Variants in FFAR1 observed in about 807,000 individuals in gnomAD.
The protein encoded by FFAR1 is free fatty acid receptor 1.
For synonymous variants in FFAR1, 216 were observed against 201.5 expected, an observed-to-expected ratio of 1.07 and a Z score of -0.61; for missense variants, 424 against 396.2, an observed-to-expected ratio of 1.07 and a Z score of -0.60.
At chr19:35,352,444 C>T in exon 1 of FFAR1, 2 of 1,552,512 alleles carry the variant, frequency 1.3e-6, no homozygotes, top group Non-Finnish European at 1.7e-6. Flanking sequence ...GGGGGCAAGT[C>T]CCAGAAGTAA....
exon 1 of FFAR1, chr19:35,351,739 C>T (rs761529668): frequency 6.9e-5 from 108 of 1,562,816 alleles, no homozygotes; most frequent in Non-Finnish European, 3.6e-5. Context: ...CCCCTGAAGG[C>T]GGTGGAGGCG....
At chr19:35,352,209 C>A in exon 1 of FFAR1, 1 of 1,589,272 alleles carries the variant, frequency 6.3e-7, no homozygotes. Context: ...CAGGCGGAAG[C>A]TGCGGGCCGC....
exon 1 of FFAR1, chr19:35,352,707 C>G (rs2066951158): frequency 1.8e-6 from 1 of 564,600 alleles, no homozygotes; most frequent in Non-Finnish European, 3.2e-6. Flanking sequence ...CCTCGCCTAT[C>G]TTTCTCTCCC....
upstream of FFAR1, among the ~76,000 whole-genome samples, chr19:35,348,658 C>T (rs1356145383): frequency 1.3e-5 from 2 of 152,152 alleles, no homozygotes; most frequent in Non-Finnish European, 2.9e-5. Flanking sequence ...TGTCTGTGCC[C>T]AAAATGGGGT....
At chr19:35,351,785 G>A in exon 1 of FFAR1, 1 of 1,587,882 alleles carries the variant, frequency 6.3e-7, no homozygotes, top group Non-Finnish European at 8.6e-7. Flanking sequence ...CGGCCTCGCT[G>A]TGCCCCGTCT....
At chr19:35,352,366 A>C in exon 1 of FFAR1, 2 of 1,552,958 alleles carry the variant, frequency 1.3e-6, no homozygotes, top group South Asian at 2.4e-5. Flanking sequence ...GTGGTGCTTA[A>C]TCCGCTGGTG....
chr19:35,350,523 G>A (rs143074376), upstream of FFAR1, among the ~76,000 whole-genome samples: 3 of 152,102 alleles, frequency 2.0e-5, no homozygotes, highest in African/African-American at 4.8e-5. Flanking sequence ...AGGGAATAGC[G>A]CTGGGTTGTG....
exon 1 of FFAR1, chr19:35,352,227 G>T: frequency 6.4e-7 from 1 of 1,567,248 alleles, no homozygotes; most frequent in South Asian, 1.2e-5. Flanking sequence ...CGCCTGGGTG[G>T]CCGGCGGGGC....
In FFAR1 at chr19:35,351,615, CTCAA is replaced by C. The variant is rs1455875121; in HGVS notation, c.65_68del (p.Leu22ProfsTer24). ...GGCCGCCTTTGCGCTGGGCTTCCCG[CTCAA>C]CGTCCTGGCCATCCGAGGCGCGACG... is the stretch of plus-strand genomic sequence containing the variant. On this transcript the variant is annotated frameshift_variant, in exon 1 of 1. Coordinates refer to ENST00000246553, the Ensembl canonical transcript of FFAR1. LOFTEE classifies it low-confidence loss of function (END_TRUNC). 4 of 1,542,580 alleles carry C rather than the reference CTCAA, an allele frequency of 2.6e-6. No homozygotes were observed. In the South Asian group the frequency reaches 4.8e-5, roughly 18 times the overall value.
chr19:35,352,790 C>T (rs1258377191), exon 1 of FFAR1: 1 of 389,492 alleles, frequency 2.6e-6, no homozygotes, highest in East Asian at 4.9e-5. Context: ...AAGGAGGAGG[C>T]AGTCTGTTTC....
exon 1 of FFAR1, chr19:35,352,079 G>T (rs777875100): frequency 1.2e-6 from 2 of 1,613,070 alleles, no homozygotes; most frequent in Admixed American, 3.3e-5. Flanking sequence ...CCTGGGACCC[G>T]GCCTCTGCCG....
exon 1 of FFAR1, chr19:35,352,809 A>G (rs916408092): frequency 8.8e-6 from 3 of 339,588 alleles, no homozygotes; most frequent in Non-Finnish European, 1.7e-5. Context: ...TCTGACCCAC[A>G]GGAACTGCCA....
Position 35,351,643 on chromosome 19 carries a change from C to T in FFAR1, c.92C>T (p.Thr31Met), listed in dbSNP as rs754058898. The change falls in exon 1 of 1, where the codon ACG becomes ATG. Residue 31 changes from threonine (T) to methionine (M), a missense_variant. Thr to Met is a moderately conservative substitution (Grantham distance 81, BLOSUM62 -1). Coordinates refer to ENST00000246553, the Ensembl canonical transcript of FFAR1. ...AACGTCCTGGCCATCCGAGGCGCGA[C>T]GGCCCACGCCCGGCTCCGTCTCACC... 8.1e-5 allele frequency: 125 copies of T among 1,547,126 alleles called. No homozygotes were observed. Among genetic ancestry groups the T allele is most frequent in the South Asian group, 7.3e-4 (62 of 84,592 alleles).
In FFAR1 at chr19:35,352,041, G is replaced by A. The variant is rs542508243; in HGVS notation, c.490G>A (p.Val164Ile). 3.9e-4 allele frequency: 631 copies of A among 1,613,974 alleles called. 12 individuals carry two copies. The South Asian group carries it at 6.0e-3, about 15-fold the overall frequency. Reference sequence around the variant, plus strand: ...CACCTCCCTGGGCATCAACACACCGGTCAACGGCTCTCCGGTCTGCCTGGA... The same window carrying A: ...CACCTCCCTGGGCATCAACACACCGATCAACGGCTCTCCGGTCTGCCTGGA... The change falls in exon 1 of 1, where the codon GTC becomes ATC. Residue 164 changes from valine (V) to isoleucine (I), a missense_variant. Coordinates refer to ENST00000246553, the Ensembl canonical transcript of FFAR1.
Position 35,352,432 on chromosome 19 carries a change from A to G in FFAR1, c.881A>G (p.Gln294Arg), listed in dbSNP as rs1021941516. 13 of 1,554,212 alleles carry G rather than the reference A, an allele frequency of 8.4e-6. No individual in the cohort carries two copies. The highest frequency in any genetic ancestry group is 1.4e-5 in the African/African-American group (1 of 73,570). Reference sequence around the variant, plus strand: ...AAGACAGTGTGTGCGGCAAGAACGCAAGGGGGCAAGTCCCAGAAGTAACGC... The same window carrying G: ...AAGACAGTGTGTGCGGCAAGAACGCGAGGGGGCAAGTCCCAGAAGTAACGC... The change falls in exon 1 of 1, where the codon CAA becomes CGA. Residue 294 changes from glutamine to arginine, a missense_variant. Coordinates refer to ENST00000246553, the Ensembl canonical transcript of FFAR1.
chr19:35,352,581 C>A, exon 1 of FFAR1: 1 of 1,013,468 alleles, frequency 9.9e-7, no homozygotes, highest in Non-Finnish European at 1.4e-6. Context: ...GCCACTCAAG[C>A]AGAGAGCGGC....
chr19:35,351,068 G>C (rs912376977), upstream of FFAR1, among the ~76,000 whole-genome samples: 1 of 152,160 alleles, frequency 6.6e-6, no homozygotes, highest in African/African-American at 2.4e-5. Flanking sequence ...AATGTGGGTG[G>C]GGGGTGGGGG....
At chr19:35,353,321 AT>A (rs1207825518) in exon 1 of FFAR1, 3 of 152,092 alleles carry the variant, frequency 2.0e-5, no homozygotes, top group African/African-American at 7.2e-5. Flanking sequence ...ACCTCTACAA[AT>A]AATAAAAATA....
chr19:35,353,437 A>G (rs963730374), exon 1 of FFAR1: 63 of 152,324 alleles, frequency 4.1e-4, no homozygotes, highest in African/African-American at 1.5e-3. Flanking sequence ...CAATGCCATG[A>G]TCGCACCACT....
Sources: allele counts gnomAD v4.1 joint callset (sites outside exome capture counted in the v4.1 genomes callset), GRCh38; gene constraint gnomAD v4.1.1; transcripts MANE v1.5; gene names NCBI Gene and HGNC (gene_info 2026-07-23, HGNC 2026-07-21).